Variants in GALNT13 observed in about 807,000 individuals in gnomAD.
The protein encoded by GALNT13 is UDP-GalNAc:polypeptide N-acetylgalactosaminyltransferase 13.
A neutral mutation model predicts 64.2 loss-of-function variants in GALNT13; 28 were observed. That is an observed-to-expected ratio of 0.44 (90% CI 0.32 to 0.60). GALNT13 has a LOEUF of 0.60. Among genes scored for constraint, GALNT13 ranks in the 20% least tolerant of loss-of-function variants. GALNT13 has a pLI of 0.05. For synonymous variants in GALNT13, 214 were observed against 224.6 expected, an observed-to-expected ratio of 0.95 and a Z score of 0.42; for missense variants, 577 against 669.8, an observed-to-expected ratio of 0.86 and a Z score of 1.53.
rs564910874 is a variant in GALNT13, at chr2:154,304,613, G to A, written c.1156+3024G>A. On this transcript the variant is annotated intron_variant, in intron 9 of 12. Transcript: ENST00000392825. ...GAATGAAAAAGGCAGATAAATGATGGAACCATTTCTCAAATTATAATGAAA... is the reference window on the plus strand; with the variant it reads ...GAATGAAAAAGGCAGATAAATGATGAAACCATTTCTCAAATTATAATGAAA... Among the ~76,000 whole-genome samples the A allele has an allele frequency of 1.6e-4, 24 of 152,226 alleles. No homozygotes were observed. In the South Asian group the frequency reaches 5.0e-3, roughly 32 times the overall value.
the GALNT13 span, among the ~76,000 whole-genome samples, chr2:153,188,563 A>C: frequency 6.6e-6 from 1 of 152,134 alleles, no homozygotes; most frequent in Admixed American, 6.6e-5. Context: ...CCAATCAGAC[A>C]CGTCCAGCTT....
At chr2:153,438,588 G>C in the GALNT13 span, among the ~76,000 whole-genome samples, 2 of 151,360 alleles carry the variant, frequency 1.3e-5, no homozygotes, top group Non-Finnish European at 2.9e-5. Context: ...TTCTTCCATC[G>C]CTGATATACT....
intron 4 of GALNT13, among the ~76,000 whole-genome samples, chr2:154,144,291 G>A (rs952657095): frequency 2.6e-5 from 4 of 152,058 alleles, no homozygotes; most frequent in African/African-American, 9.7e-5. Flanking sequence ...AACTTACCAT[G>A]AGTCACATAT....
At chr2:153,448,221 A>G in the GALNT13 span, among the ~76,000 whole-genome samples, 1 of 152,152 alleles carries the variant, frequency 6.6e-6, no homozygotes, top group African/African-American at 2.4e-5. Context: ...TTTTCGTTGT[A>G]TGTAGTGAAG....
At chr2:154,025,963 G>A (rs936318378) in intron 3 of GALNT13, among the ~76,000 whole-genome samples, 39 of 152,214 alleles carry the variant, frequency 2.6e-4, no homozygotes, top group African/African-American at 9.1e-4. Flanking sequence ...TGGGGAGGGA[G>A]AGAGAGAAGG....
intron 12 of GALNT13, among the ~76,000 whole-genome samples, chr2:154,439,020 A>G (rs533801995): frequency 6.6e-6 from 1 of 152,262 alleles, no homozygotes; most frequent in African/African-American, 2.4e-5. Context: ...AGCTAAGCCT[A>G]TCTGAGAGGT....
At chr2:154,234,323 T>A (rs540109883) in intron 4 of GALNT13, among the ~76,000 whole-genome samples, 1 of 152,190 alleles carries the variant, frequency 6.6e-6, no homozygotes, top group African/African-American at 2.4e-5. Context: ...TACATTCATA[T>A]CATTCCATTA....
chr2:153,823,971 C>A, the GALNT13 span, among the ~76,000 whole-genome samples: 1 of 152,106 alleles, frequency 6.6e-6, no homozygotes, highest in East Asian at 1.9e-4. Flanking sequence ...TAAAAAGATA[C>A]TTCTCAAAAG....
chr2:153,366,720 GACACACAC>G, the GALNT13 span, among the ~76,000 whole-genome samples: 2,353 of 109,118 alleles, frequency 0.022, 32 homozygotes, highest in African/African-American at 0.051. Context: ...AGCACACAGG[GACACACAC>G]ACACACACAC....
the GALNT13 span, among the ~76,000 whole-genome samples, chr2:153,562,060 C>CTCTCTCTGTGTGTGTGTGTG: frequency 8.4e-6 from 1 of 118,962 alleles, no homozygotes; most frequent in African/African-American, 3.8e-5. Flanking sequence ...CTCTCTCTCT[C>CTCTCTCTGTGTGTGTGTGTG]TGTGTGTGTG....
At chr2:153,432,741 T>G in the GALNT13 span, among the ~76,000 whole-genome samples, 6 of 152,034 alleles carry the variant, frequency 3.9e-5, no homozygotes, top group Non-Finnish European at 8.8e-5. Context: ...TTGGGGGGCA[T>G]TGCAATCAGT....
chr2:154,158,013 G>C (rs1684523232), intron 4 of GALNT13, among the ~76,000 whole-genome samples: 1 of 152,086 alleles, frequency 6.6e-6, no homozygotes, highest in Non-Finnish European at 1.5e-5. Flanking sequence ...AAGGCCTAAG[G>C]GTAATGAGCT....
At chr2:153,610,938 A>C in the GALNT13 span, among the ~76,000 whole-genome samples, 3 of 152,208 alleles carry the variant, frequency 2.0e-5, no homozygotes, top group Non-Finnish European at 4.4e-5. Flanking sequence ...TCTTGGACCA[A>C]GAAGCACAGT....
chr2:153,945,015 T>C (rs1009036617), intron 3 of GALNT13, among the ~76,000 whole-genome samples: 1 of 152,072 alleles, frequency 6.6e-6, no homozygotes, highest in African/African-American at 2.4e-5. Flanking sequence ...ACCACTAAAG[T>C]GAGACAGGTG....
At chr2:153,195,299 A>C in the GALNT13 span, among the ~76,000 whole-genome samples, 1 of 152,006 alleles carries the variant, frequency 6.6e-6, no homozygotes, top group Non-Finnish European at 1.5e-5. Context: ...TGCCCACTCA[A>C]CCTGGCAGGC....
Position 154,230,342 on chromosome 2 carries a change from G to A in GALNT13, c.312-11688G>A, listed in dbSNP as rs372292865. Among the ~76,000 whole-genome samples, 17 of 152,116 alleles carry A rather than the reference G, an allele frequency of 1.1e-4. 1 individual carries two copies. In the East Asian group the frequency reaches 1.4e-3, roughly 12 times the overall value. The stretch of plus-strand genomic sequence containing the variant: ...CAGGCAATAAACTTATTTATTCCAG[G>A]CAACTAATTGTTAACTACTTCCAAT... On this transcript the variant is annotated intron_variant, in intron 4 of 12. Coordinates refer to ENST00000392825, the MANE Select transcript of GALNT13 (RefSeq NM_052917.4).
chr2:153,870,857 C>T (rs1454618135), upstream of GALNT13, among the ~76,000 whole-genome samples: 1 of 151,808 alleles, frequency 6.6e-6, no homozygotes, highest in Non-Finnish European at 1.5e-5. Flanking sequence ...TGAAGTGACA[C>T]TGTGAGAAGC....
the GALNT13 span, among the ~76,000 whole-genome samples, chr2:153,319,484 C>A: frequency 4.6e-5 from 7 of 152,220 alleles, no homozygotes; most frequent in South Asian, 1.5e-3. Flanking sequence ...TTGCCACTTT[C>A]CCCAGACTGT....
chr2:153,194,056 T>C, the GALNT13 span, among the ~76,000 whole-genome samples: 4 of 152,206 alleles, frequency 2.6e-5, no homozygotes, highest in Non-Finnish European at 5.9e-5. Context: ...AGTTTGACTA[T>C]AATATGCAAG....
Sources: gnomAD v4.1 joint callset for allele counts (sites outside exome capture counted in the v4.1 genomes callset) on GRCh38, gnomAD v4.1.1 for gene constraint, MANE v1.5 for transcripts, NCBI Gene and HGNC (gene_info 2026-07-23, HGNC 2026-07-21) for gene names.